ZNF786: variants seen among roughly 807,000 people sequenced by gnomAD.
The protein encoded by ZNF786 is zinc finger protein 786.
Under a neutral mutation model 63.1 loss-of-function variants are expected in ZNF786, and 56 were observed. The ratio of observed to expected loss-of-function variants is 0.89; its 90% CI spans 0.72 to 1.11. ZNF786 has a LOEUF of 1.11. Ranked by LOEUF, ZNF786 falls within the 50% of genes least tolerant of loss-of-function variation. ZNF786 has a pLI of 0.00. For synonymous variants in ZNF786, 485 were observed against 406.9 expected (o/e 1.19, Z -2.31); for missense variants, 1,213 against 1,041.8 (o/e 1.16, Z -2.26).
rs1306168774 is a variant in ZNF786 at position 149,088,985 on chromosome 7, C to T, written c.18+1638G>A. Among the ~76,000 whole-genome samples, 42 of 138,086 alleles carry T rather than the reference C, an allele frequency of 3.0e-4. 2 individuals are homozygous for T. In the Admixed American group the frequency reaches 3.3e-3, roughly 11 times the overall value. The allele number at this position is 138,086 out of a possible 152,430, so 90.6% of individuals were successfully genotyped here. On this transcript the variant is annotated intron_variant, in intron 1 of 3. Coordinates refer to ENST00000491431, the MANE Select transcript of ZNF786 (RefSeq NM_152411.4). Reference sequence around the variant, plus strand: ...TTTTTTTTTTTTTTGGAGACAGAGTCTTGCTCTGTCGCCCAGGCTGGAGTG... The same window carrying T: ...TTTTTTTTTTTTTTGGAGACAGAGTTTTGCTCTGTCGCCCAGGCTGGAGTG...
At chr7:149,080,527 A>G (rs1224195230) in intron 2 of ZNF786, 64 bp downstream of exon 2, 5 of 1,434,434 alleles carry the variant, frequency 3.5e-6, no homozygotes, top group East Asian at 2.5e-5. Flanking sequence ...AGGAGCATCA[A>G]GTGACTGTGA....
intron 1 of ZNF786, 61 bp from the exon 2 acceptor site, chr7:149,080,778 T>C: frequency 6.6e-7 from 1 of 1,526,142 alleles, no homozygotes; most frequent in East Asian, 2.3e-5. Context: ...TCCAGCTCCT[T>C]CTCCTTGTTA....
At chr7:149,084,086 C>T (rs183106531) in intron 1 of ZNF786, among the ~76,000 whole-genome samples, 13 of 152,126 alleles carry the variant, frequency 8.5e-5, no homozygotes, top group East Asian at 7.7e-4. Flanking sequence ...TCTGGCTGGG[C>T]GCGGTGGCTC....
Position 149,072,078 on chromosome 7 carries a change from T to G in ZNF786, c.694A>C (p.Ser232Arg), listed in dbSNP as rs763178975. The change falls in exon 4 of 4, where the codon AGC becomes CGC. Residue 232 changes from serine to arginine, a missense_variant. Transcript: ENST00000491431. Reference sequence around the variant, plus strand: ...AAGTGCCTCTGTACCCGAGGGCTGCTCCACGGCATCTGCGTCTCCGCCCTC... The same window carrying G: ...AAGTGCCTCTGTACCCGAGGGCTGCGCCACGGCATCTGCGTCTCCGCCCTC... The part of the protein sequence containing the change: ...NKRAETQMPW[S>R]SPRVQRHFRC... The G allele has an allele frequency of 5.6e-6, 9 of 1,613,180 alleles. No individual in the cohort carries two copies. In the South Asian group the frequency reaches 9.9e-5, roughly 18 times the overall value.
At chr7:149,089,626 C>A (rs774356132) in intron 1 of ZNF786, among the ~76,000 whole-genome samples, 25 of 150,340 alleles carry the variant, frequency 1.7e-4, no homozygotes, top group Non-Finnish European at 2.7e-4. Context: ...CTGAATGTCA[C>A]AAGTTTTAAA....
chr7:149,071,979 T>A lies in ZNF786; in HGVS notation c.793A>T (p.Arg265Trp). Residue 265 changes from arginine to tryptophan, a missense_variant, in exon 4 of 4, where the codon AGG becomes TGG. Coordinates refer to ENST00000491431, the MANE Select transcript of ZNF786 (RefSeq NM_152411.4). ...CCGTCAGCGTTCCGGAAGGGGCCCC[T>A]CCCCGTGTGGGCCGCCAGATGGCGC... Reference protein sequence around the residue: ...LLRHLAAHTGRGPFRNADGEM... With the variant: ...LLRHLAAHTGWGPFRNADGEM... 6.2e-7 allele frequency: 1 copy of A among 1,612,380 alleles called. No individual in the cohort carries two copies. Among genetic ancestry groups the A allele is most frequent in the Non-Finnish European group, 8.5e-7 (1 of 1,179,798 alleles).
Position 149,070,504 on chromosome 7 carries a change from T to C in ZNF786, c.2268A>G (p.Lys756=). The change falls in exon 4 of 4, where the codon AAA becomes AAG. Residue 756 remains lysine (K), a synonymous_variant. Coordinates refer to ENST00000491431, the MANE Select transcript of ZNF786 (RefSeq NM_152411.4). ...CCAGTTCATTTGGAGCAGGACAGGA[T>C]TTTGTGTGTACTCTGATGTGCTCCG... is the stretch of plus-strand genomic sequence containing the variant. The part of the protein sequence containing the change: ...KLAEHIRVHT[K]SCPAPNELDI... 3.1e-6 allele frequency: 5 copies of C among 1,614,022 alleles called. No individual in the cohort carries two copies. The South Asian group carries it at 3.3e-5, about 11-fold the overall frequency.
At chr7:149,089,202 T>C (rs1825790201) in intron 1 of ZNF786, among the ~76,000 whole-genome samples, 1 of 152,224 alleles carries the variant, frequency 6.6e-6, no homozygotes, top group South Asian at 2.1e-4. Flanking sequence ...TCCGCCCGCC[T>C]TGGCCTCCCA....
At chr7:149,082,176 C>T (rs1384988503) in intron 1 of ZNF786, among the ~76,000 whole-genome samples, 1 of 152,138 alleles carries the variant, frequency 6.6e-6, no homozygotes, top group Non-Finnish European at 1.5e-5. Flanking sequence ...CGAGTTTTCA[C>T]AAGATCTGGT....
chr7:149,075,654 G>GGTTTTTT (rs1825531971), intron 2 of ZNF786, among the ~76,000 whole-genome samples: 1 of 56,352 alleles, frequency 1.8e-5, no homozygotes, highest in Admixed American at 2.5e-4. Context: ...ACACACTTCA[G>GGTTTTTT]GTTTTTTTTT....
chr7:149,071,451 T>C lies in ZNF786; in HGVS notation c.1321A>G (p.Thr441Ala), dbSNP rs201124666. ...CCGCTGTGGACTCGAATGTGCTCCG[T>C]GAGTTTACACTGCTTGGCGAAGCCC... ...GKGFAKQCKLTEHIRVHSGEK... is the reference protein window; with the variant it reads ...GKGFAKQCKLAEHIRVHSGEK... Residue 441 changes from threonine to alanine, a missense_variant, in exon 4 of 4, where the codon ACG becomes GCG. Coordinates refer to ENST00000491431, the MANE Select transcript of ZNF786 (RefSeq NM_152411.4). 4.0e-4 allele frequency: 645 copies of C among 1,608,562 alleles called. 1 individual carries two copies. The highest frequency in any genetic ancestry group is 5.1e-4 in the Non-Finnish European group (605 of 1,178,608).
chr7:149,085,829 G>A (rs764136360), intron 1 of ZNF786, among the ~76,000 whole-genome samples: 4 of 152,128 alleles, frequency 2.6e-5, no homozygotes, highest in Admixed American at 2.6e-4. Flanking sequence ...TGTATTCCTC[G>A]GCATTTTTGA....
chr7:149,071,989 G>A lies in ZNF786; in HGVS notation c.783C>T (p.Ala261=), dbSNP rs1394495793. The A allele has an allele frequency of 6.2e-7, 1 of 1,612,758 alleles. No individual in the cohort carries two copies. Among genetic ancestry groups the A allele is most frequent in the South Asian group, 1.1e-5 (1 of 91,078 alleles). Reference sequence around the variant, plus strand: ...TCCGGAAGGGGCCCCTCCCCGTGTGGGCCGCCAGATGGCGCAGCAGACACA... The same window carrying A: ...TCCGGAAGGGGCCCCTCCCCGTGTGAGCCGCCAGATGGCGCAGCAGACACA... ...RKLCLLRHLA[A]HTGRGPFRNA... is the part of the protein sequence containing the mutation. Residue 261 remains alanine, a synonymous_variant, in exon 4 of 4, where the codon GCC becomes GCT. Transcript: ENST00000491431.
Position 149,086,647 on chromosome 7 carries a change from CACAT to C in ZNF786, c.18+3972_18+3975del, listed in dbSNP as rs778666356. On this transcript the variant is annotated intron_variant, in intron 1 of 3. Transcript: ENST00000491431. ...TGTCTCACACACACACACACACACACACATACACACAAAAGGTGAGCTGGCATGT... is the reference window on the plus strand; with the variant it reads ...TGTCTCACACACACACACACACACACACACACAAAAGGTGAGCTGGCATGT... Among the ~76,000 whole-genome samples the C allele has an allele frequency of 5.3e-4, 80 of 150,942 alleles. No individual in the cohort carries two copies. The East Asian group carries it at 8.0e-3, about 15-fold the overall frequency.
At chr7:149,076,395 A>G (rs1003597837) in intron 2 of ZNF786, among the ~76,000 whole-genome samples, 1 of 146,540 alleles carries the variant, frequency 6.8e-6, no homozygotes, top group Non-Finnish European at 1.5e-5. Flanking sequence ...GATTACAGGC[A>G]TGAGCCACCG....
intron 3 of ZNF786, 107 bp downstream of exon 3, chr7:149,074,279 A>G: frequency 7.8e-7 from 1 of 1,279,076 alleles, no homozygotes; most frequent in Non-Finnish European, 1.1e-6. Flanking sequence ...CTAGAAGATA[A>G]GAGTCTTCAA....
At chr7:149,079,408 CA>C (rs777527765) in intron 2 of ZNF786, among the ~76,000 whole-genome samples, 52 of 129,392 alleles carry the variant, frequency 4.0e-4, no homozygotes, top group African/African-American at 5.7e-4. Context: ...GACTCCGTCT[CA>C]AAAAAAAAAA....
chr7:149,077,499 G>A (rs1585465262), intron 2 of ZNF786, among the ~76,000 whole-genome samples: 1 of 152,058 alleles, frequency 6.6e-6, no homozygotes, highest in African/African-American at 2.4e-5. Context: ...GTGGTGGCGG[G>A]CGCCTGTAGT....
chr7:149,081,310 C>T (rs1472426508), intron 1 of ZNF786: 1 of 365,628 alleles, frequency 2.7e-6, no homozygotes, highest in Non-Finnish European at 5.3e-6. Context: ...GTGGCGTGCA[C>T]CTGTAATTCC....
Sources: allele counts gnomAD v4.1 joint callset (sites outside exome capture counted in the v4.1 genomes callset), GRCh38; gene constraint gnomAD v4.1.1; transcripts MANE v1.5; gene names NCBI Gene and HGNC (gene_info 2026-07-23, HGNC 2026-07-21).